The following GLI3 variants were observed in gnomAD, a reference collection of about 807,000 sequenced individuals.
GLI3 encodes the protein transcription activator GLI3.
Under a neutral mutation model 100.8 loss-of-function variants are expected in GLI3, and 20 were observed. The observed-to-expected ratio is 0.20, with a 90% confidence interval of 0.14 to 0.29. GLI3 has a LOEUF of 0.29. Ranked by LOEUF, GLI3 falls within the 10% of genes least tolerant of loss-of-function variation. GLI3 has a pLI of 1.00. For synonymous variants in GLI3, 938 were observed against 860.5 expected (o/e 1.09, Z -1.58); for missense variants, 2,040 against 2,128.5 (o/e 0.96, Z 0.82).
chr7:42,023,517 T>C lies in GLI3; in HGVS notation c.1448A>G (p.His483Arg), dbSNP rs1420612792. The C allele has an allele frequency of 1.9e-6, 3 of 1,613,938 alleles. No individual in the cohort carries two copies. The South Asian group carries it at 3.3e-5, about 18-fold the overall frequency. Residue 483 changes from histidine (H) to arginine (R), a missense_variant, in exon 10 of 15, where the codon CAC (histidine) becomes CGC (arginine). By Grantham distance (29) the His-to-Arg change is conservative (BLOSUM62 0). Transcript: ENST00000395925. The part of the protein sequence containing the change: ...EPEVIYETNC[H>R]WEGCAREFDT... ...GAACTCCCTCGCGCAGCCTTCCCAG[T>C]GGCAGTTTGTCTCATAGATGACTTC...
intron 2 of GLI3, among the ~76,000 whole-genome samples, chr7:42,159,175 T>C (rs1047935896): frequency 6.6e-5 from 10 of 152,220 alleles, no homozygotes; most frequent in Admixed American, 5.9e-4. Context: ...GGGACTGTGA[T>C]GAACGCTTAG....
At chr7:42,089,069 G>A (rs1785163192) in intron 3 of GLI3, among the ~76,000 whole-genome samples, 1 of 152,192 alleles carries the variant, frequency 6.6e-6, no homozygotes, top group Admixed American at 6.5e-5. Flanking sequence ...GTAGGTATCT[G>A]ATGTCAATGA....
intron 3 of GLI3, among the ~76,000 whole-genome samples, chr7:42,088,555 T>G (rs892443229): frequency 6.6e-5 from 10 of 152,348 alleles, no homozygotes; most frequent in African/African-American, 2.4e-4. Flanking sequence ...TAACCTATGC[T>G]ATAGGCAAGA....
At chr7:42,257,049 T>A (rs1363834988) in intron 1 of GLI3, among the ~76,000 whole-genome samples, 1 of 152,144 alleles carries the variant, frequency 6.6e-6, no homozygotes, top group Non-Finnish European at 1.5e-5. Flanking sequence ...TTGAATTCAA[T>A]TTTTTAAACT....
intron 2 of GLI3, among the ~76,000 whole-genome samples, chr7:42,178,286 C>T (rs537711375): frequency 2.0e-5 from 3 of 152,278 alleles, no homozygotes; most frequent in African/African-American, 4.8e-5. Context: ...CTGCTGAGAC[C>T]CCAGCTTACC....
chr7:42,126,896 T>C (rs1786146306), intron 3 of GLI3, among the ~76,000 whole-genome samples: 1 of 152,182 alleles, frequency 6.6e-6, no homozygotes, highest in Admixed American at 6.5e-5. Context: ...TTCCTGTTTC[T>C]GGATTACAGG....
At chr7:42,199,720 G>C (rs1787999489) in intron 2 of GLI3, among the ~76,000 whole-genome samples, 1 of 152,164 alleles carries the variant, frequency 6.6e-6, no homozygotes, top group African/African-American at 2.4e-5. Flanking sequence ...TGTGATGATG[G>C]GCTGAGGCCA....
At chr7:42,076,555 C>T (rs1229557228) in intron 4 of GLI3, among the ~76,000 whole-genome samples, 197 bp downstream of exon 4, 1 of 152,198 alleles carries the variant, frequency 6.6e-6, no homozygotes, top group African/African-American at 2.4e-5. Context: ...CCTAGTGTGA[C>T]AGGCATTCCT....
chr7:42,125,162 C>G (rs1786094468), intron 3 of GLI3, among the ~76,000 whole-genome samples: 1 of 152,202 alleles, frequency 6.6e-6, no homozygotes, highest in African/African-American at 2.4e-5. Context: ...TGCATGCTTA[C>G]AGTCCTCACG....
intron 1 of GLI3, among the ~76,000 whole-genome samples, chr7:42,252,144 T>G (rs1363940841): frequency 6.6e-6 from 1 of 150,878 alleles, no homozygotes; most frequent in Non-Finnish European, 1.5e-5. Context: ...ACATATACAC[T>G]ACTGAATACT....
intron 10 of GLI3, among the ~76,000 whole-genome samples, chr7:42,006,547 A>G (rs1300346540): frequency 2.0e-5 from 3 of 152,202 alleles, no homozygotes; most frequent in East Asian, 3.8e-4. Flanking sequence ...AAATATTGAG[A>G]TATACAGTGT....
chr7:42,034,251 TAA>T (rs1789374176), intron 7 of GLI3, among the ~76,000 whole-genome samples: 1 of 152,252 alleles, frequency 6.6e-6, no homozygotes, highest in South Asian at 2.1e-4. Flanking sequence ...TGAGGATTTC[TAA>T]GAGAGAAAGA....
chr7:42,132,464 T>TA (rs1326472979), intron 3 of GLI3, among the ~76,000 whole-genome samples: 1 of 152,146 alleles, frequency 6.6e-6, no homozygotes, highest in Non-Finnish European at 1.5e-5. Context: ...TCAAATATGG[T>TA]AAAAAATGTT....
chr7:42,158,224 G>A (rs1030936163), intron 2 of GLI3, among the ~76,000 whole-genome samples: 1 of 152,196 alleles, frequency 6.6e-6, no homozygotes, highest in Non-Finnish European at 1.5e-5. Flanking sequence ...CGCCAGGCCA[G>A]TGCTATGTGC....
intron 2 of GLI3, among the ~76,000 whole-genome samples, chr7:42,184,995 C>T (rs576961386): frequency 2.2e-4 from 33 of 152,246 alleles, no homozygotes; most frequent in African/African-American, 7.0e-4. Flanking sequence ...AAAACTCTAT[C>T]TCAGAGTCTG....
At position 42,014,230 on chromosome 7, in the gene GLI3, C is replaced by T. The variant is rs76188016; in HGVS notation, c.1497+9238G>A. On this transcript the variant is annotated intron_variant, in intron 10 of 14. Coordinates refer to ENST00000395925, the MANE Select transcript of GLI3 (RefSeq NM_000168.6). ...AAAGCATTTAATTATCCTTACTCCA[C>T]CTGGAATAAAAGTCAGACTCCTAGT... is the stretch of plus-strand genomic sequence containing the variant. Among the ~76,000 whole-genome samples the T allele has an allele frequency of 4.4e-3, 677 of 152,230 alleles. 3 individuals are homozygous for T. The highest frequency in any genetic ancestry group is 0.016 in the African/African-American group (652 of 41,544).
upstream of GLI3, among the ~76,000 whole-genome samples, chr7:42,242,239 A>T (rs111870226): frequency 6.6e-6 from 1 of 152,216 alleles, no homozygotes; most frequent in African/African-American, 2.4e-5. Flanking sequence ...GATATGCACC[A>T]GTAAATTTTG....
intron 10 of GLI3, among the ~76,000 whole-genome samples, chr7:41,985,301 G>A (rs1485828772): frequency 2.0e-5 from 3 of 152,228 alleles, no homozygotes; most frequent in Non-Finnish European, 4.4e-5. Context: ...TACCAGGTGA[G>A]CTCATAAATG....
intron 1 of GLI3, among the ~76,000 whole-genome samples, chr7:42,223,791 G>C (rs557888107): frequency 6.6e-6 from 1 of 152,172 alleles, no homozygotes; most frequent in Non-Finnish European, 1.5e-5. Context: ...TGAATCAGAG[G>C]ATAATTCAGG....
Sources: gnomAD v4.1 joint callset for allele counts (sites outside exome capture counted in the v4.1 genomes callset) on GRCh38, gnomAD v4.1.1 for gene constraint, MANE v1.5 for transcripts, NCBI Gene and HGNC (gene_info 2026-07-23, HGNC 2026-07-21) for gene names.